The following SYNRG variants were observed in gnomAD, a reference collection of about 807,000 sequenced individuals.
The protein encoded by SYNRG is AP1 gamma subunit binding protein 1.
SYNRG carries 37 observed loss-of-function variants against 130.9 expected under a neutral mutation model. That is an observed-to-expected ratio of 0.28 (90% CI 0.22 to 0.37). The LOEUF is 0.37. Ranked by LOEUF, SYNRG falls within the 10% of genes least tolerant of loss-of-function variation. The pLI is 1.00. For missense variants in SYNRG, 1,338 were observed against 1,588.9 expected, an observed-to-expected ratio of 0.84 and a Z score of 2.68; for synonymous variants, 539 against 568.1, an observed-to-expected ratio of 0.95 and a Z score of 0.73.
chr17:37,593,488 C>G (rs564760248), intron 3 of SYNRG, among the ~76,000 whole-genome samples: 2 of 152,070 alleles, frequency 1.3e-5, no homozygotes, highest in Admixed American at 6.6e-5. Flanking sequence ...TAAGAGATAA[C>G]TAAAGGAACA....
chr17:37,536,870 C>T (rs1329536252), intron 18 of SYNRG: 1 of 152,284 alleles, frequency 6.6e-6, no homozygotes, highest in African/African-American at 2.4e-5. Flanking sequence ...ATGTAACAGT[C>T]ACCAAAGACA....
At chr17:37,520,293 C>G in intron 20 of SYNRG, 79 bp from the exon 21 acceptor site, 2 of 1,585,848 alleles carry the variant, frequency 1.3e-6, no homozygotes, top group Non-Finnish European at 1.7e-6. Context: ...TTTACAGGTT[C>G]ACCCTTTTCC....
intron 14 of SYNRG, among the ~76,000 whole-genome samples, chr17:37,548,848 C>CAAA (rs1316508003): frequency 1.2e-4 from 16 of 137,890 alleles, no homozygotes; most frequent in African/African-American, 3.8e-4. Flanking sequence ...AAAAAACACA[C>CAAA]AAAAAAACGG....
intron 11 of SYNRG, chr17:37,567,952 C>T (rs1252560703): frequency 6.6e-6 from 1 of 152,160 alleles, no homozygotes; most frequent in Non-Finnish European, 1.5e-5. Context: ...GCCTGTAATC[C>T]TAGCACTTTA....
At chr17:37,549,201 G>A (rs926716085) in intron 14 of SYNRG, among the ~76,000 whole-genome samples, 26 of 144,668 alleles carry the variant, frequency 1.8e-4, no homozygotes, top group African/African-American at 6.4e-4. Context: ...TTCTAAAAAA[G>A]AACAAAGAAT....
At chr17:37,598,865 TA>T (rs2063012921) in intron 2 of SYNRG, among the ~76,000 whole-genome samples, 1 of 152,334 alleles carries the variant, frequency 6.6e-6, no homozygotes, top group Admixed American at 6.5e-5. Context: ...AATGGACACA[TA>T]ACTCTGTAAT....
chr17:37,555,048 TTAAA>T (rs1247666445), intron 13 of SYNRG, among the ~76,000 whole-genome samples: 20 of 152,176 alleles, frequency 1.3e-4, no homozygotes, highest in Admixed American at 1.0e-3. Context: ...TATATTCTGG[TTAAA>T]TAGAGTGGGT....
chr17:37,586,790 A>G (rs2061726042), intron 3 of SYNRG, among the ~76,000 whole-genome samples: 1 of 152,136 alleles, frequency 6.6e-6, no homozygotes, highest in Non-Finnish European at 1.5e-5. Context: ...CATTCCCTTC[A>G]CTGTCCCAGA....
chr17:37,558,231 G>T (rs1476800244), intron 13 of SYNRG, among the ~76,000 whole-genome samples: 1 of 152,150 alleles, frequency 6.6e-6, no homozygotes, highest in Non-Finnish European at 1.5e-5. Context: ...TAAGAGGTGG[G>T]CTTTCCTTCT....
chr17:37,533,110 C>T (rs947268675), intron 19 of SYNRG, among the ~76,000 whole-genome samples: 2 of 152,048 alleles, frequency 1.3e-5, no homozygotes, highest in African/African-American at 4.8e-5. Flanking sequence ...TTCTGATATT[C>T]GTATCAAGGC....
At chr17:37,535,920 G>C in intron 19 of SYNRG, 59 bp downstream of exon 19, 4 of 1,602,672 alleles carry the variant, frequency 2.5e-6, no homozygotes, top group Non-Finnish European at 3.4e-6. Context: ...TATACACTCT[G>C]CTTTACAACT....
chr17:37,578,312 C>G (rs973671578), intron 6 of SYNRG, among the ~76,000 whole-genome samples: 10 of 149,908 alleles, frequency 6.7e-5, no homozygotes, highest in Admixed American at 6.6e-4. Flanking sequence ...GCCTGGATGA[C>G]AGTGCAAGAC....
chr17:37,565,171 G>A (rs1440753009), intron 11 of SYNRG, among the ~76,000 whole-genome samples: 2 of 152,068 alleles, frequency 1.3e-5, no homozygotes, highest in African/African-American at 4.8e-5. Context: ...GGCTGAGGCA[G>A]GAGAATCACT....
intron 6 of SYNRG, among the ~76,000 whole-genome samples, chr17:37,581,492 G>A (rs2061334161): frequency 6.6e-6 from 1 of 152,144 alleles, no homozygotes; most frequent in South Asian, 2.1e-4. Flanking sequence ...TGGCCAGGCT[G>A]GTCTCGAACT....
At chr17:37,566,255 T>C (rs1489532891) in intron 11 of SYNRG, among the ~76,000 whole-genome samples, 10 of 151,354 alleles carry the variant, frequency 6.6e-5, no homozygotes, top group Non-Finnish European at 1.0e-4. Context: ...TAGAAAGAAG[T>C]AGACATGGGA....
At position 37,609,198 on chromosome 17, in the gene SYNRG, G is replaced by C; in HGVS notation, c.77+81C>G. 4 of 1,333,694 alleles carry C rather than the reference G, an allele frequency of 3.0e-6. No homozygotes were observed. In the South Asian group the frequency reaches 7.0e-5, roughly 23 times the overall value. The allele number at this position is 1,333,694 out of a possible 1,614,324, so 82.6% of individuals were successfully genotyped here. A position where few individuals can be genotyped will look rare whatever the true frequency, so the allele number is the denominator to read the frequency against. On this transcript the variant is annotated intron_variant, in intron 1 of 21. Coordinates refer to ENST00000612223, the MANE Select transcript of SYNRG (RefSeq NM_007247.6). ...GTTCCAAGGAAAAGGATCAGGGCTG[G>C]AGAAAACTGCCATAACTGCCAAGCG...
intron 14 of SYNRG, among the ~76,000 whole-genome samples, chr17:37,546,504 A>G (rs951006726): frequency 5.9e-5 from 9 of 152,238 alleles, no homozygotes; most frequent in Admixed American, 5.9e-4. Context: ...ATCTCAAATC[A>G]AAACACATAT....
In SYNRG at chr17:37,570,563, T is replaced by C. The variant is rs2060346000; in HGVS notation, c.1347+74A>G. On this transcript the variant is annotated intron_variant, in intron 10 of 21. Transcript: ENST00000612223. ...CACCATAATCCAGTAACCTACTCTA[T>C]GTATCCCCGGAAAAAATGGTGCCCA... 19 of 1,527,872 alleles carry C rather than the reference T, an allele frequency of 1.2e-5. No homozygotes were observed. In the South Asian group the frequency reaches 1.8e-4, roughly 15 times the overall value. The allele number at this position is 1,527,872 out of a possible 1,614,324, so 94.6% of individuals were successfully genotyped here. A position where few individuals can be genotyped will look rare whatever the true frequency, so the allele number is the denominator to read the frequency against.
At chr17:37,586,969 A>C (rs1209375668) in intron 3 of SYNRG, among the ~76,000 whole-genome samples, 1 of 152,182 alleles carries the variant, frequency 6.6e-6, no homozygotes, top group African/African-American at 2.4e-5. Context: ...CCACAAATGA[A>C]ATTAAATCTG....
Sources: gnomAD v4.1 joint callset for allele counts (sites outside exome capture counted in the v4.1 genomes callset) on GRCh38, gnomAD v4.1.1 for gene constraint, MANE v1.5 for transcripts, NCBI Gene and HGNC (gene_info 2026-07-23, HGNC 2026-07-21) for gene names.